The following ZNF467 variants were observed in gnomAD, a reference collection of about 807,000 sequenced individuals.
ZNF467 encodes zinc finger protein 467.
A neutral mutation model predicts 47.8 loss-of-function variants in ZNF467; 51 were observed. That is an observed-to-expected ratio of 1.07 (90% CI 0.85 to 1.35). ZNF467 has a LOEUF of 1.35. ZNF467 is among the 40% of genes most tolerant of loss of function. The pLI, the probability that ZNF467 is intolerant of heterozygous loss-of-function variation, is 0.00. For synonymous variants in ZNF467, 416 were observed against 372.9 expected, an observed-to-expected ratio of 1.12 and a Z score of -1.33; for missense variants, 992 against 858.1, an observed-to-expected ratio of 1.16 and a Z score of -1.95.
rs73168052 is a variant in ZNF467 at position 149,764,339 on chromosome 7, C to T, written c.*375G>A. ...AAGGAGAGTCAGGTGTTCCCTCCCCCAATTCATTTAGCAGCCCCAGAACTT... is the reference window on the plus strand; with the variant it reads ...AAGGAGAGTCAGGTGTTCCCTCCCCTAATTCATTTAGCAGCCCCAGAACTT... On this transcript the variant is annotated 3_prime_UTR_variant, in exon 5 of 5. Coordinates refer to ENST00000302017, the MANE Select transcript of ZNF467 (RefSeq NM_207336.3). 1.9e-3 allele frequency: 1,029 copies of T among 534,226 alleles called. 1 individual carries two copies. Among genetic ancestry groups the T allele is most frequent in the Non-Finnish European group, 2.8e-3 (839 of 304,494 alleles). 33.1% of individuals were successfully genotyped at this position (534,226 alleles called of 1,614,324 possible). A position where few individuals can be genotyped will look rare whatever the true frequency, so the allele number is the denominator to read the frequency against.
At chr7:149,770,758 A>C (rs908932114) in intron 2 of ZNF467, among the ~76,000 whole-genome samples, 2 of 152,214 alleles carry the variant, frequency 1.3e-5, no homozygotes, top group African/African-American at 4.8e-5. Flanking sequence ...GAAGGAAGAG[A>C]TGGCATAGAT....
chr7:149,764,976 T>A lies in ZNF467; in HGVS notation c.1526A>T (p.His509Leu). The change falls in exon 5 of 5, where the codon CAC becomes CTC. Residue 509 changes from histidine to leucine, a missense_variant. His to Leu is a moderately conservative substitution (Grantham distance 99). Coordinates refer to ENST00000302017, the MANE Select transcript of ZNF467 (RefSeq NM_207336.3). ...GCAGGCGTGGGGGCGGCTGCCAGTG[T>A]GCACCGCCTGGTGGCGGCCCAGGTG... ...KSHLGRHQAVHTGSRPHACAV... is the reference protein window; with the variant it reads ...KSHLGRHQAVLTGSRPHACAV... The A allele has an allele frequency of 6.3e-7, 1 of 1,591,604 alleles. No individual in the cohort carries two copies. Among genetic ancestry groups the A allele is most frequent in the Middle Eastern group, 1.7e-4 (1 of 5,984 alleles).
chr7:149,775,703 G>A (rs984429483), upstream of ZNF467, among the ~76,000 whole-genome samples: 3 of 138,060 alleles, frequency 2.2e-5, no homozygotes, highest in Non-Finnish European at 3.1e-5. Context: ...CTGAGAGTGT[G>A]AAAATACACA....
In ZNF467 at chr7:149,764,461, A is replaced by G; in HGVS notation, c.*253T>C. 1.4e-6 allele frequency: 1 copy of G among 689,948 alleles called. No individual in the cohort carries two copies. Among genetic ancestry groups the G allele is most frequent in the Non-Finnish European group, 2.5e-6 (1 of 392,222 alleles). The allele number at this position is 689,948 out of a possible 1,614,324, so 42.7% of individuals were successfully genotyped here. On this transcript the variant is annotated 3_prime_UTR_variant, in exon 5 of 5. Transcript: ENST00000302017. ...TGGGTCCGGGAAATATCTGCTTTCC[A>G]ACGGGGCACCTGGGTGGGAGCCTTC... is the stretch of plus-strand genomic sequence containing the variant.
intron 4 of ZNF467, among the ~76,000 whole-genome samples, chr7:149,767,510 G>A (rs1303591732): frequency 6.6e-6 from 1 of 152,120 alleles, no homozygotes; most frequent in Non-Finnish European, 1.5e-5. Flanking sequence ...CCTTCATTGT[G>A]GCACTCTTTA....
intron 4 of ZNF467, among the ~76,000 whole-genome samples, chr7:149,768,416 C>G (rs1799287033): frequency 6.6e-6 from 1 of 152,232 alleles, no homozygotes; most frequent in Non-Finnish European, 1.5e-5. Flanking sequence ...GGTGGCCTAT[C>G]CAAGGGCACT....
Position 149,764,622 on chromosome 7 carries a change from A to C in ZNF467, c.*92T>G, listed in dbSNP as rs1252477032. ...TCCCGCGGCGGCCAAACCTTCGGGC[A>C]GCAGCCCAGGTCGCCTTGCTCACCC... On this transcript the variant is annotated 3_prime_UTR_variant, in exon 5 of 5. Coordinates refer to ENST00000302017, the MANE Select transcript of ZNF467 (RefSeq NM_207336.3). The C allele has an allele frequency of 2.6e-6, 4 of 1,549,428 alleles. No individual in the cohort carries two copies.
chr7:149,773,691 C>CG (rs973186400), upstream of ZNF467, among the ~76,000 whole-genome samples: 5 of 63,828 alleles, frequency 7.8e-5, no homozygotes, highest in Admixed American at 2.0e-4. Context: ...GGGGCCGTGT[C>CG]GGGGGGGAGC....
chr7:149,771,631 T>G (rs995830875), intron 1 of ZNF467, among the ~76,000 whole-genome samples: 42 of 151,966 alleles, frequency 2.8e-4, no homozygotes, highest in African/African-American at 9.4e-4. Flanking sequence ...CAAAACCACC[T>G]CTCACCCGTG....
chr7:149,765,512 G>T lies in ZNF467; in HGVS notation c.990C>A (p.Pro330=). Reference sequence around the variant, plus strand: ...GAGGAGAAGCGGACGAGTCGGGAGAGGGCCTGGCCGGGCCGGCCGTCTGGT... The same window carrying T: ...GAGGAGAAGCGGACGAGTCGGGAGATGGCCTGGCCGGGCCGGCCGTCTGGT... ...RVHQTAGPAR[P]SPDSSASPHS... The change falls in exon 5 of 5, where the codon CCC becomes CCA. Residue 330 remains proline, a synonymous_variant. Coordinates refer to ENST00000302017, the MANE Select transcript of ZNF467 (RefSeq NM_207336.3). 1.3e-6 allele frequency: 2 copies of T among 1,579,154 alleles called. No homozygotes were observed. Among genetic ancestry groups the T allele is most frequent in the Non-Finnish European group, 8.6e-7 (1 of 1,163,028 alleles).
At chr7:149,767,905 C>T (rs1018867162) in intron 4 of ZNF467, among the ~76,000 whole-genome samples, 2 of 152,104 alleles carry the variant, frequency 1.3e-5, no homozygotes, top group African/African-American at 4.8e-5. Context: ...TGAGGCTCAC[C>T]CCACCCTAGT....
At chr7:149,767,963 C>T (rs1799273254) in intron 4 of ZNF467, among the ~76,000 whole-genome samples, 1 of 152,190 alleles carries the variant, frequency 6.6e-6, no homozygotes, top group Non-Finnish European at 1.5e-5. Flanking sequence ...AGCCAAGCTG[C>T]TCTCCTCCCC....
At chr7:149,768,986 G>C (rs1799302997) in intron 4 of ZNF467, 104 bp downstream of exon 4, 1 of 1,038,190 alleles carries the variant, frequency 9.6e-7, no homozygotes, top group African/African-American at 1.6e-5. Context: ...TGGACTGCCT[G>C]TCTTGGGGGA....
chr7:149,766,303 G>A, intron 4 of ZNF467, 64 bp from the exon 5 acceptor site: 5 of 1,506,876 alleles, frequency 3.3e-6, no homozygotes, highest in Non-Finnish European at 4.4e-6. Flanking sequence ...TTTAACCACA[G>A]GATCTCCACT....
chr7:149,770,869 G>A (rs1156875560), intron 2 of ZNF467, 130 bp downstream of exon 2: 12 of 1,148,606 alleles, frequency 1.0e-5, no homozygotes, highest in Non-Finnish European at 1.4e-5. Flanking sequence ...CTACAGAAAA[G>A]GAGGCTGACC....
In ZNF467 at chr7:149,764,189, A is replaced by G. The variant is rs1585936855; in HGVS notation, c.*525T>C. 1.2e-5 allele frequency: 3 copies of G among 259,256 alleles called. No homozygotes were observed. The East Asian group carries it at 2.2e-4, about 19-fold the overall frequency. The allele number at this position is 259,256 out of a possible 1,614,324, so 16.1% of individuals were successfully genotyped here. ...AGGAGCCAGGATGGTGGCTTAGTGA[A>G]TAAATATATTACATTTTTATTTGGG... On this transcript the variant is annotated 3_prime_UTR_variant, in exon 5 of 5. Transcript: ENST00000302017.
In ZNF467 at chr7:149,771,013, G is replaced by A. The variant is rs756867713; in HGVS notation, c.20C>T (p.Ala7Val). The A allele has an allele frequency of 1.9e-6, 3 of 1,614,054 alleles. No homozygotes were observed. The South Asian group carries it at 3.3e-5, about 18-fold the overall frequency. MRETLE[A>V]LSSLGFSVGQ... ...TGCCAGCTCACCCAGGGAGCTGAGG[G>A]CCTCCAAGGTCTCTCTCATGGTAAC... Residue 7 changes from alanine to valine, a missense_variant, in exon 2 of 5, where the codon GCC (alanine) becomes GTC (valine). Coordinates refer to ENST00000302017, the MANE Select transcript of ZNF467 (RefSeq NM_207336.3).
upstream of ZNF467, among the ~76,000 whole-genome samples, chr7:149,775,866 C>G (rs1302821055): frequency 6.6e-6 from 1 of 151,990 alleles, no homozygotes. Context: ...AGCTGGTGCC[C>G]TGGGGCATGA....
rs753572195 is a variant in ZNF467, at chr7:149,764,455, C to T, written c.*259G>A. ...CCGCGCTGGGTCCGGGAAATATCTG[C>T]TTTCCAACGGGGCACCTGGGTGGGA... On this transcript the variant is annotated 3_prime_UTR_variant, in exon 5 of 5. Transcript: ENST00000302017. 10 of 671,076 alleles carry T rather than the reference C, an allele frequency of 1.5e-5. No homozygotes were observed. In the African/African-American group the frequency reaches 1.8e-4, roughly 12 times the overall value. 41.6% of individuals were successfully genotyped at this position (671,076 alleles called of 1,614,324 possible). A position where few individuals can be genotyped will look rare whatever the true frequency, so the allele number is the denominator to read the frequency against.
Sources: gnomAD v4.1 joint callset for allele counts (sites outside exome capture counted in the v4.1 genomes callset) on GRCh38, gnomAD v4.1.1 for gene constraint, MANE v1.5 for transcripts, NCBI Gene and HGNC (gene_info 2026-07-23, HGNC 2026-07-21) for gene names.